PPP1R1C: variants seen among roughly 807,000 people sequenced by gnomAD.
PPP1R1C encodes the protein protein phosphatase 1 regulatory inhibitor subunit 1C.
A neutral mutation model predicts 17.4 loss-of-function variants in PPP1R1C; 15 were observed. The observed-to-expected ratio is 0.86, with a 90% confidence interval of 0.58 to 1.33. PPP1R1C has a LOEUF of 1.33. Ranked by LOEUF, PPP1R1C falls within the 40% of genes most tolerant of loss-of-function variation. The pLI, the probability that PPP1R1C is intolerant of heterozygous loss-of-function variation, is 0.00. For synonymous variants in PPP1R1C, 35 were observed against 43.1 expected, an observed-to-expected ratio of 0.81 and a Z score of 0.73; for missense variants, 143 against 130.0, an observed-to-expected ratio of 1.10 and a Z score of -0.48.
intron 2 of PPP1R1C, among the ~76,000 whole-genome samples, chr2:182,020,528 A>G (rs1453730570): frequency 6.6e-6 from 1 of 152,166 alleles, no homozygotes; most frequent in Non-Finnish European, 1.5e-5. Flanking sequence ...CATTTTGAAC[A>G]CTGTTTTGCA....
intron 5 of PPP1R1C, among the ~76,000 whole-genome samples, chr2:182,123,831 T>C (rs1241165730): frequency 6.6e-6 from 1 of 152,208 alleles, no homozygotes; most frequent in Non-Finnish European, 1.5e-5. Context: ...GTAGTTTCTT[T>C]TGCCGTACAG....
chr2:182,016,390 A>T (rs1686263770), intron 2 of PPP1R1C, among the ~76,000 whole-genome samples: 1 of 152,044 alleles, frequency 6.6e-6, no homozygotes, highest in African/African-American at 2.4e-5. Flanking sequence ...TCTTGTGTGG[A>T]TAGTTGTTCA....
downstream of PPP1R1C, among the ~76,000 whole-genome samples, chr2:182,119,477 C>G (rs1328277198): frequency 1.3e-5 from 2 of 152,212 alleles, no homozygotes; most frequent in Non-Finnish European, 2.9e-5. Context: ...TGAGGAATCA[C>G]CACACTGACT....
intron 4 of PPP1R1C, among the ~76,000 whole-genome samples, chr2:182,090,168 C>T (rs1294437022): frequency 6.6e-6 from 1 of 152,046 alleles, no homozygotes; most frequent in African/African-American, 2.4e-5. Flanking sequence ...TACAAAAATA[C>T]TCTGTGTACA....
At chr2:182,086,690 C>T (rs1030767422) in intron 4 of PPP1R1C, among the ~76,000 whole-genome samples, 5 of 152,096 alleles carry the variant, frequency 3.3e-5, no homozygotes, top group Non-Finnish European at 7.4e-5. Context: ...GACTGTTTTA[C>T]ACCAAGATAG....
downstream of PPP1R1C, among the ~76,000 whole-genome samples, chr2:182,120,033 G>C (rs1373081820): frequency 6.6e-6 from 1 of 152,140 alleles, no homozygotes; most frequent in Non-Finnish European, 1.5e-5. Flanking sequence ...GGTTTTTATG[G>C]TTTTAGGTCT....
chr2:182,076,831 T>C (rs1688327221), intron 4 of PPP1R1C, among the ~76,000 whole-genome samples: 1 of 152,200 alleles, frequency 6.6e-6, no homozygotes, highest in Admixed American at 6.5e-5. Context: ...CATCTGTAAA[T>C]CCTACCACGA....
intron 4 of PPP1R1C, among the ~76,000 whole-genome samples, chr2:182,090,289 C>CTG (rs142618201): frequency 0.18 from 25,848 of 145,618 alleles, 2,481 homozygotes; most frequent in Non-Finnish European, 0.24. Flanking sequence ...ACTATAAATT[C>CTG]TGTGTGTGTG....
At chr2:182,128,857 G>T (rs1689939297) in intron 5 of PPP1R1C, 1 of 152,016 alleles carries the variant, frequency 6.6e-6, no homozygotes, top group South Asian at 2.1e-4. Flanking sequence ...TACAAGCTTT[G>T]TTGCTACTAA....
At chr2:182,098,228 C>T (rs1689000355) in intron 4 of PPP1R1C, among the ~76,000 whole-genome samples, 1 of 152,100 alleles carries the variant, frequency 6.6e-6, no homozygotes, top group Non-Finnish European at 1.5e-5. Flanking sequence ...AAAAAAATTC[C>T]TCACACTGTT....
chr2:182,023,524 T>C (rs1277586895), intron 2 of PPP1R1C, among the ~76,000 whole-genome samples: 2 of 152,258 alleles, frequency 1.3e-5, no homozygotes, highest in African/African-American at 2.4e-5. Context: ...ACAAATTATA[T>C]AGTATCAAAT....
intron 4 of PPP1R1C, among the ~76,000 whole-genome samples, chr2:182,065,387 C>CA (rs1437346293): frequency 6.6e-6 from 1 of 151,998 alleles, no homozygotes; most frequent in Non-Finnish European, 1.5e-5. Flanking sequence ...TATTTTAAGA[C>CA]AAAATGAAGC....
chr2:182,061,521 A>G, intron 3 of PPP1R1C, 42 bp downstream of exon 3: 1 of 1,303,218 alleles, frequency 7.7e-7, no homozygotes, highest in South Asian at 1.7e-5. Flanking sequence ...GTTCAAATCA[A>G]TTAAAAATGC....
chr2:181,996,704 T>C (rs1685621460), intron 2 of PPP1R1C, among the ~76,000 whole-genome samples: 4 of 152,220 alleles, frequency 2.6e-5, no homozygotes, highest in African/African-American at 4.8e-5. Context: ...TAATCTTTCA[T>C]GTTTTTTTCA....
At chr2:182,017,000 T>G (rs140259321) in intron 2 of PPP1R1C, among the ~76,000 whole-genome samples, 59 of 152,334 alleles carry the variant, frequency 3.9e-4, no homozygotes, top group African/African-American at 1.1e-3. Flanking sequence ...AATTTTTCCT[T>G]GTCATCACAA....
At chr2:181,974,124 G>A (rs993103576) in intron 1 of PPP1R1C, among the ~76,000 whole-genome samples, 1 of 151,908 alleles carries the variant, frequency 6.6e-6, no homozygotes, top group African/African-American at 2.4e-5. Context: ...TATATGGGTG[G>A]GTAGAGACTT....
intron 1 of PPP1R1C, among the ~76,000 whole-genome samples, chr2:181,964,799 G>A (rs557421366): frequency 2.6e-5 from 4 of 152,066 alleles, no homozygotes; most frequent in Non-Finnish European, 4.4e-5. Flanking sequence ...TCCGCCTCCC[G>A]GGTTCAAGAG....
intron 4 of PPP1R1C, among the ~76,000 whole-genome samples, chr2:182,094,406 A>C (rs1688872218): frequency 6.6e-6 from 1 of 152,232 alleles, no homozygotes; most frequent in Non-Finnish European, 1.5e-5. Context: ...AAATATACTG[A>C]AAGTTAAACA....
intron 2 of PPP1R1C, among the ~76,000 whole-genome samples, chr2:182,030,472 G>T (rs982388216): frequency 1.3e-5 from 2 of 150,654 alleles, no homozygotes; most frequent in African/African-American, 4.9e-5. Context: ...ATACCCTGCC[G>T]TGTGAGATGT....
Sources: allele counts gnomAD v4.1 joint callset (sites outside exome capture counted in the v4.1 genomes callset), GRCh38; gene constraint gnomAD v4.1.1; transcripts MANE v1.5; gene names NCBI Gene and HGNC (gene_info 2026-07-23, HGNC 2026-07-21).